CCZ1: variants seen among roughly 807,000 people sequenced by gnomAD.
The protein encoded by CCZ1 is CCZ1 vacuolar protein trafficking and biogenesis associated.
In CCZ1, 19 loss-of-function variants were observed where a neutral mutation model predicts 57.8. That is an observed-to-expected ratio of 0.33 (90% CI 0.23 to 0.48). The LOEUF is 0.48. CCZ1 is among the 20% of genes least tolerant of loss of function. The pLI, the probability that CCZ1 is intolerant of heterozygous loss-of-function variation, is 0.99. For missense variants in CCZ1, 200 were observed against 492.0 expected (o/e 0.41, Z 5.61); for synonymous variants, 81 against 167.0 (o/e 0.49, Z 3.97).
chr7:5,909,047 T>G (rs1440270247), intron 7 of CCZ1, among the ~76,000 whole-genome samples: 1 of 146,418 alleles, frequency 6.8e-6, no homozygotes, highest in Non-Finnish European at 1.5e-5. Context: ...CAGTGTGGCT[T>G]TGGAGGTTTC....
chr7:5,920,470 C>CTTTTTTTTTTTTTTTTTTTTTTTTTTTT lies in CCZ1; in HGVS notation c.1106+521_1106+522insTTTTTTTTTTTTTTTTTTTTTTTTTTTT, dbSNP rs200899553. ...ATGTCCTTGAATTCTTTCTCCCTGG[C>CTTTTTTTTTTTTTTTTTTTTTTTTTTTT]TTTTTTTTTTTTTTTTTGAGACAAA... is the stretch of plus-strand genomic sequence containing the variant. On this transcript the variant is annotated intron_variant, in intron 12 of 14. Transcript: ENST00000325974. Among the ~76,000 whole-genome samples, 40 of 95,950 alleles carry CTTTTTTTTTTTTTTTTTTTTTTTTTTTT rather than the reference C, an allele frequency of 4.2e-4. 2 individuals carry two copies. The highest frequency in any genetic ancestry group is 2.1e-3 in the East Asian group (8 of 3,740). 62.9% of individuals were successfully genotyped at this position (95,950 alleles called of 152,430 possible).
chr7:5,909,483 C>G (rs144587289), intron 7 of CCZ1, among the ~76,000 whole-genome samples: 4,948 of 145,494 alleles, frequency 0.034, 25 homozygotes, highest in African/African-American at 0.062. Context: ...GGGAGCACTG[C>G]TTGAGTCCAG....
Position 5,905,807 on chromosome 7 carries a change from A to AG in CCZ1, c.698+539dup, listed in dbSNP as rs1430892232. On this transcript the variant is annotated intron_variant, in intron 7 of 14. Transcript: ENST00000325974. Reference sequence around the variant, plus strand: ...AAAAAAAAAAAAAAAAAAAAAAAAAAGAGAAAATGTTCCTATCAAGTAAGG... The same window carrying AG: ...AAAAAAAAAAAAAAAAAAAAAAAAAAGGAGAAAATGTTCCTATCAAGTAAGG... Among the ~76,000 whole-genome samples the AG allele has an allele frequency of 2.9e-5, 4 of 137,138 alleles. 1 individual carries two copies. Among genetic ancestry groups the AG allele is most frequent in the Non-Finnish European group, 6.2e-5 (4 of 64,726 alleles). The allele number at this position is 137,138 out of a possible 152,430, so 90.0% of individuals were successfully genotyped here. A position where few individuals can be genotyped will look rare whatever the true frequency, so the allele number is the denominator to read the frequency against.
Position 5,912,377 on chromosome 7 carries a change from C to CTTTTTTTTTTTTT in CCZ1, c.843-445_843-433dup, listed in dbSNP as rs4036238. On this transcript the variant is annotated intron_variant, in intron 9 of 14. Coordinates refer to ENST00000325974, the MANE Select transcript of CCZ1 (RefSeq NM_015622.6). ...GAGTTAAAACTTACTTCAGCATACC[C>CTTTTTTTTTTTTT]TTTTTTTTTTTTTTTTTTTTTTTTT... Among the ~76,000 whole-genome samples, 4 of 54,704 alleles carry CTTTTTTTTTTTTT rather than the reference C, an allele frequency of 7.3e-5. 1 individual carries two copies. Among genetic ancestry groups the CTTTTTTTTTTTTT allele is most frequent in the Non-Finnish European group, 9.7e-5 (3 of 31,056 alleles). 35.9% of individuals were successfully genotyped at this position (54,704 alleles called of 152,430 possible).
At chr7:5,903,275 C>G (rs1308357549) in intron 6 of CCZ1, among the ~76,000 whole-genome samples, 3 of 144,480 alleles carry the variant, frequency 2.1e-5, no homozygotes, top group African/African-American at 7.8e-5. Context: ...CCTACCTTGT[C>G]AAGCTCAGTT....
At chr7:5,920,397 C>A (rs982089444) in intron 12 of CCZ1, among the ~76,000 whole-genome samples, 1 of 118,548 alleles carries the variant, frequency 8.4e-6, no homozygotes, top group African/African-American at 3.2e-5. Context: ...AGTGTCTACA[C>A]TGAGTGGGAG....
intron 5 of CCZ1, 156 bp downstream of exon 5, chr7:5,901,860 G>A: frequency 1.7e-6 from 1 of 584,402 alleles, no homozygotes; most frequent in Non-Finnish European, 3.0e-6. Context: ...AGGTAGTGAG[G>A]TTTATGCCTA....
chr7:5,909,624 T>C (rs1457203323), intron 7 of CCZ1, among the ~76,000 whole-genome samples: 2 of 147,274 alleles, frequency 1.4e-5, no homozygotes, highest in Non-Finnish European at 3.0e-5. Context: ...GCTTGAGCCC[T>C]GGAGGCCAAG....
intron 12 of CCZ1, among the ~76,000 whole-genome samples, chr7:5,922,668 C>T (rs1779264593): frequency 6.6e-6 from 1 of 151,452 alleles, no homozygotes; most frequent in East Asian, 1.9e-4. Context: ...AAGGTACATC[C>T]CATTTAAAAT....
Position 5,908,800 on chromosome 7 carries a change from A to G in CCZ1, c.699-1235A>G, listed in dbSNP as rs1273300874. 2.8e-5 allele frequency among the ~76,000 whole-genome samples: 4 copies of G among 143,750 alleles called. 1 individual carries two copies. 94.3% of individuals were successfully genotyped at this position (143,750 alleles called of 152,430 possible). ...CTGCTAGTTTCTCTGTGCTTTTTCC[A>G]TGTGCTGCTCCTTCCTGCCTCATTT... is the stretch of plus-strand genomic sequence containing the variant. On this transcript the variant is annotated intron_variant, in intron 7 of 14. Coordinates refer to ENST00000325974, the MANE Select transcript of CCZ1 (RefSeq NM_015622.6).
At chr7:5,906,056 CTA>C (rs1443163679) in intron 7 of CCZ1, among the ~76,000 whole-genome samples, 2 of 146,510 alleles carry the variant, frequency 1.4e-5, no homozygotes, top group Non-Finnish European at 3.0e-5. Context: ...TTTAAAGAAA[CTA>C]GATTTCTTTT....
At chr7:5,899,334 G>GGGT (rs1781626415) in intron 1 of CCZ1, among the ~76,000 whole-genome samples, 2 of 12,558 alleles carry the variant, frequency 1.6e-4, no homozygotes, top group African/African-American at 2.8e-4. Context: ...TCGGGAGGGG[G>GGGT]GTGTGTGTGT....
chr7:5,911,805 T>G, intron 8 of CCZ1, 56 bp from the exon 9 acceptor site: 1 of 1,246,480 alleles, frequency 8.0e-7, no homozygotes, highest in Non-Finnish European at 1.1e-6. Context: ...TTTTCAAAGC[T>G]TGGAAAATAA....
rs535204462 is a variant in CCZ1, at chr7:5,902,796, T to C, written c.522+52T>C. ...CTTTAGTAAGCATTCAGCAGGTTTT[T>C]AGAGAAATATAGACAGACAAGTTTG... On this transcript the variant is annotated intron_variant, in intron 6 of 14. Transcript: ENST00000325974. 3 of 1,566,186 alleles carry C rather than the reference T, an allele frequency of 1.9e-6. No homozygotes were observed. In the African/African-American group the frequency reaches 4.2e-5, roughly 22 times the overall value.
rs147505436 is a variant in CCZ1, at chr7:5,923,855, T to C, written c.1286T>C (p.Ile429Thr). Residue 429 changes from isoleucine to threonine, a missense_variant, in exon 14 of 15, where the codon ATC becomes ACC. Coordinates refer to ENST00000325974, the MANE Select transcript of CCZ1 (RefSeq NM_015622.6). ...TGCAGAGTGGATGAAGATGAGGAGA[T>C]CATTGTGAAGGCCATGAGTGATTAC... Reference protein sequence around the residue: ...DFTRVDEDEEIIVKAMSDYWV... With the variant: ...DFTRVDEDEETIVKAMSDYWV... 7.3e-4 allele frequency: 1,148 copies of C among 1,574,608 alleles called. 86 individuals carry two copies. The highest frequency in any genetic ancestry group is 9.6e-4 in the Non-Finnish European group (1,101 of 1,149,864).
At chr7:5,899,970 A>G (rs1186234901) in intron 1 of CCZ1, among the ~76,000 whole-genome samples, 2 of 143,358 alleles carry the variant, frequency 1.4e-5, no homozygotes, top group African/African-American at 5.4e-5. Flanking sequence ...CTTACTGACT[A>G]TCGAAATTGC....
chr7:5,900,758 T>G, intron 3 of CCZ1, 97 bp from the exon 4 acceptor site: 2 of 1,583,546 alleles, frequency 1.3e-6, no homozygotes, highest in South Asian at 2.3e-5. Flanking sequence ...GAAGCTATGT[T>G]TCTGATGCTG....
intron 9 of CCZ1, among the ~76,000 whole-genome samples, chr7:5,912,247 C>T (rs1454744103): frequency 1.5e-5 from 2 of 134,918 alleles, no homozygotes; most frequent in Non-Finnish European, 3.1e-5. Context: ...TGTGATCCAC[C>T]ATGCGTGGCC....
intron 8 of CCZ1, among the ~76,000 whole-genome samples, chr7:5,911,501 C>G (rs1211515048): frequency 6.7e-6 from 1 of 148,840 alleles, no homozygotes; most frequent in Non-Finnish European, 1.5e-5. Context: ...CGTCATGTTG[C>G]CCAGGCTATT....
Sources: allele counts gnomAD v4.1 joint callset (sites outside exome capture counted in the v4.1 genomes callset), GRCh38; gene constraint gnomAD v4.1.1; transcripts MANE v1.5; gene names NCBI Gene and HGNC (gene_info 2026-07-23, HGNC 2026-07-21).